ADAMTS17: variants seen among roughly 807,000 people sequenced by gnomAD.
ADAMTS17 encodes the protein A disintegrin and metalloproteinase with thrombospondin motifs 17.
ADAMTS17 carries 113 observed loss-of-function variants against 141.5 expected under a neutral mutation model. The ratio of observed to expected loss-of-function variants is 0.80; its 90% CI spans 0.69 to 0.93. ADAMTS17 has a LOEUF of 0.93. Ranked by LOEUF, ADAMTS17 falls within the 40% of genes least tolerant of loss-of-function variation. ADAMTS17 has a pLI of 0.00. For missense variants in ADAMTS17, 1,659 were observed against 1,517.9 expected (o/e 1.09, Z -1.54); for synonymous variants, 768 against 630.6 (o/e 1.22, Z -3.27).
At chr15:100,338,104 TAA>T (rs1276477281) in intron 2 of ADAMTS17, among the ~76,000 whole-genome samples, 1 of 152,186 alleles carries the variant, frequency 6.6e-6, no homozygotes, top group African/African-American at 2.4e-5. Flanking sequence ...AATTAATACT[TAA>T]GTCTATGGCC....
intron 19 of ADAMTS17, among the ~76,000 whole-genome samples, chr15:99,994,909 TG>T (rs1042579406): frequency 2.6e-5 from 4 of 152,216 alleles, no homozygotes; most frequent in African/African-American, 7.2e-5. Flanking sequence ...AAAGATCCCA[TG>T]GGGTTTTCTT....
chr15:100,010,737 C>G (rs2061149342), intron 18 of ADAMTS17, among the ~76,000 whole-genome samples: 1 of 152,204 alleles, frequency 6.6e-6, no homozygotes, highest in African/African-American at 2.4e-5. Context: ...TTTTATTGAA[C>G]AGATGTCTGC....
chr15:100,162,397 T>C (rs1206421965), intron 8 of ADAMTS17, among the ~76,000 whole-genome samples: 2 of 146,964 alleles, frequency 1.4e-5, no homozygotes, highest in South Asian at 2.1e-4. Context: ...TAACTATCTA[T>C]ATGTGTATAT....
chr15:100,131,173 C>T (rs751905180), intron 12 of ADAMTS17, among the ~76,000 whole-genome samples: 28 of 151,566 alleles, frequency 1.8e-4, no homozygotes, highest in Non-Finnish European at 2.6e-4. Flanking sequence ...ACAATGAGAA[C>T]ACAGGGACAC....
chr15:100,155,148 C>T, intron 9 of ADAMTS17, 32 bp downstream of exon 9: 1 of 1,614,130 alleles, frequency 6.2e-7, no homozygotes, highest in African/African-American at 1.3e-5. Context: ...CTTTTGATTG[C>T]ATTCATCCTA....
chr15:100,320,639 C>A (rs999816862), intron 3 of ADAMTS17, among the ~76,000 whole-genome samples: 8 of 152,162 alleles, frequency 5.3e-5, no homozygotes, highest in African/African-American at 1.9e-4. Context: ...TGGCGACCAG[C>A]CTGGGCTACA....
intron 9 of ADAMTS17, 47 bp from the exon 10 acceptor site, chr15:100,152,809 T>G: frequency 6.3e-7 from 1 of 1,595,696 alleles, no homozygotes; most frequent in Non-Finnish European, 8.5e-7. Flanking sequence ...ACTGCCTAGG[T>G]TTTTTTGTTT....
In ADAMTS17 at chr15:100,071,827, T is replaced by C. The variant is rs908738947; in HGVS notation, c.2138-17773A>G. 4.0e-5 allele frequency among the ~76,000 whole-genome samples: 6 copies of C among 150,420 alleles called. 1 individual carries two copies. Among genetic ancestry groups the C allele is most frequent in the African/African-American group, 1.5e-4 (6 of 40,734 alleles). The stretch of plus-strand genomic sequence containing the variant: ...CCGAATGGGCAAAAACTGGAAGCAT[T>C]CCCTTTGAAAACTGGCACAAGACAG... On this transcript the variant is annotated intron_variant, in intron 15 of 21. Transcript: ENST00000268070.
chr15:100,070,810 C>A (rs1162444739), intron 15 of ADAMTS17, among the ~76,000 whole-genome samples: 4 of 149,216 alleles, frequency 2.7e-5, no homozygotes, highest in East Asian at 3.9e-4. Context: ...AAAATTGACA[C>A]CCTAACATCA....
intron 8 of ADAMTS17, among the ~76,000 whole-genome samples, chr15:100,179,981 C>T (rs1289636527): frequency 2.0e-5 from 3 of 152,130 alleles, no homozygotes; most frequent in Non-Finnish European, 2.9e-5. Context: ...TGGGGTGTCT[C>T]TTCACTTTGC....
At chr15:100,012,678 G>A (rs956825738) in intron 18 of ADAMTS17, among the ~76,000 whole-genome samples, 5 of 152,202 alleles carry the variant, frequency 3.3e-5, no homozygotes, top group South Asian at 2.1e-4. Flanking sequence ...TTGCTTTGTC[G>A]AAGATCAGTT....
rs142329562 is a variant in ADAMTS17 at position 100,323,720 on chromosome 15, A to T, written c.616+7169T>A. Among the ~76,000 whole-genome samples the T allele has an allele frequency of 9.9e-3, 1,511 of 152,360 alleles. 71 individuals are homozygous for T. Among genetic ancestry groups the T allele is most frequent in the Admixed American group, 0.082 (1,248 of 15,308 alleles). On this transcript the variant is annotated intron_variant, in intron 3 of 21. Coordinates refer to ENST00000268070, the MANE Select transcript of ADAMTS17 (RefSeq NM_139057.4). ...AGGTTAATAGACAAAACTCTGCAAT[A>T]AAGATAAATGAACTAGATTTGCATT... is the stretch of plus-strand genomic sequence containing the variant.
At chr15:100,126,650 A>G (rs1224885074) in intron 12 of ADAMTS17, among the ~76,000 whole-genome samples, 1 of 152,232 alleles carries the variant, frequency 6.6e-6, no homozygotes, top group Non-Finnish European at 1.5e-5. Flanking sequence ...GTTTATGATC[A>G]GCTTTGTGTT....
Position 100,262,190 on chromosome 15 carries a change from G to T in ADAMTS17, c.873+162C>A, listed in dbSNP as rs28587707. On this transcript the variant is annotated intron_variant, in intron 5 of 21. Coordinates refer to ENST00000268070, the MANE Select transcript of ADAMTS17 (RefSeq NM_139057.4). ...TCTCAACAGCCCCCCCTCACACCAT[G>T]CTTCCGGTACTGATGCCGGCTTTCC... Among the ~76,000 whole-genome samples the T allele has an allele frequency of 0.089, 13,471 of 152,058 alleles. 1,584 individuals are homozygous for T. Among genetic ancestry groups the T allele is most frequent in the African/African-American group, 0.27 (11,186 of 41,432 alleles).
chr15:100,291,552 C>T (rs924712204), intron 3 of ADAMTS17, among the ~76,000 whole-genome samples: 24 of 152,214 alleles, frequency 1.6e-4, no homozygotes, highest in African/African-American at 4.8e-4. Flanking sequence ...GTATGTTCAT[C>T]ACAGCACGAT....
At chr15:100,139,348 G>C (rs2141277303) in intron 10 of ADAMTS17, among the ~76,000 whole-genome samples, 1 of 152,330 alleles carries the variant, frequency 6.6e-6, no homozygotes, top group Middle Eastern at 3.4e-3. Context: ...GACTAAAAGT[G>C]TATGTAGACT....
At chr15:100,060,892 A>ACCCAGC (rs1453814113) in intron 15 of ADAMTS17, among the ~76,000 whole-genome samples, 1 of 152,222 alleles carries the variant, frequency 6.6e-6, no homozygotes, top group East Asian at 1.9e-4. Context: ...CTTCCAAAGC[A>ACCCAGC]CCCAGCCCCG....
At chr15:100,060,898 C>T (rs1276967870) in intron 15 of ADAMTS17, among the ~76,000 whole-genome samples, 1 of 152,184 alleles carries the variant, frequency 6.6e-6, no homozygotes, top group Admixed American at 6.5e-5. Context: ...AAGCACCCAG[C>T]CCCGAGTGGA....
At chr15:100,340,569 A>G (rs889776644) in intron 2 of ADAMTS17, among the ~76,000 whole-genome samples, 4 of 152,092 alleles carry the variant, frequency 2.6e-5, no homozygotes, top group African/African-American at 7.2e-5. Flanking sequence ...CAGAGAGAAG[A>G]CTCAAAAGGA....
Sources: allele counts gnomAD v4.1 joint callset (sites outside exome capture counted in the v4.1 genomes callset), GRCh38; gene constraint gnomAD v4.1.1; transcripts MANE v1.5; gene names NCBI Gene and HGNC (gene_info 2026-07-23, HGNC 2026-07-21).